Variants in NELL1 observed in about 807,000 individuals in gnomAD.
NELL1 encodes neural EGFL like 1.
NELL1 carries 76 observed loss-of-function variants against 107.4 expected under a neutral mutation model. The ratio of observed to expected loss-of-function variants is 0.71; its 90% CI spans 0.59 to 0.86. The LOEUF is 0.86. Ranked by LOEUF, NELL1 falls within the 40% of genes least tolerant of loss-of-function variation. The probability of loss-of-function intolerance (pLI) is 0.00; values close to 1 mark genes in which losing one functional copy is unlikely to be tolerated. For synonymous variants in NELL1, 353 were observed against 341.2 expected, an observed-to-expected ratio of 1.03 and a Z score of -0.38; for missense variants, 1,024 against 1,005.5, an observed-to-expected ratio of 1.02 and a Z score of -0.25.
chr11:20,693,852 G>A lies in NELL1; in HGVS notation c.184+15792G>A, dbSNP rs562911615. Among the ~76,000 whole-genome samples, 5 of 149,510 alleles carry A rather than the reference G, an allele frequency of 3.3e-5. No individual in the cohort carries two copies. The South Asian group carries it at 1.1e-3, about 32-fold the overall frequency. ...TGGCCTGCCTTGCTAGATTGGGGAA[G>A]TTCTCTTGGATAGTATCCTGCAGAG... On this transcript the variant is annotated intron_variant, in intron 2 of 19. Transcript: ENST00000357134.
At chr11:21,423,820 G>A (rs1852754286) in intron 15 of NELL1, among the ~76,000 whole-genome samples, 1 of 152,116 alleles carries the variant, frequency 6.6e-6, no homozygotes, top group African/African-American at 2.4e-5. Flanking sequence ...ATACCAGAAG[G>A]AAAACTGGAA....
chr11:20,708,162 C>G (rs2680987), intron 2 of NELL1, among the ~76,000 whole-genome samples: 1 of 152,168 alleles, frequency 6.6e-6, no homozygotes, highest in Non-Finnish European at 1.5e-5. Context: ...AGGATATAAT[C>G]TCCTAATGTG....
chr11:21,441,483 G>A lies in NELL1; in HGVS notation c.1645+70535G>A, dbSNP rs188157968. 1.5e-3 allele frequency among the ~76,000 whole-genome samples: 220 copies of A among 151,240 alleles called. 1 individual carries two copies. The highest frequency in any genetic ancestry group is 2.7e-4 in the Non-Finnish European group (18 of 67,800). ...TAGGGATCATGGCTTGTACTACTTT[G>A]TACAATATTTTCACAATATTCTGTG... is the stretch of plus-strand genomic sequence containing the variant. On this transcript the variant is annotated intron_variant, in intron 15 of 19. Transcript: ENST00000357134.
At chr11:20,928,226 C>T in intron 8 of NELL1, 151 bp from the exon 9 acceptor site, 1 of 752,346 alleles carries the variant, frequency 1.3e-6, no homozygotes, top group East Asian at 2.7e-5. Flanking sequence ...CCGGAGAAAA[C>T]ACTTCATCTG....
chr11:20,674,668 T>C (rs1854006282), intron 1 of NELL1: 2 of 736,822 alleles, frequency 2.7e-6, no homozygotes, highest in Non-Finnish European at 4.6e-6. Context: ...GGGAAGAGAC[T>C]GGACTGAAAC....
chr11:20,813,006 C>CAAAAAAAAAAAAAAAAA (rs869187456), intron 3 of NELL1, among the ~76,000 whole-genome samples: 3 of 61,238 alleles, frequency 4.9e-5, no homozygotes, highest in African/African-American at 2.1e-4. Flanking sequence ...GACTCCGTCT[C>CAAAAAAAAAAAAAAAAA]AAAAAAAAAA....
At chr11:21,571,723 C>G (rs1418904559) in intron 18 of NELL1, among the ~76,000 whole-genome samples, 1 of 151,720 alleles carries the variant, frequency 6.6e-6, no homozygotes, top group African/African-American at 2.4e-5. Flanking sequence ...ATTTCTTGAC[C>G]TGGTTCTTTC....
chr11:20,761,328 G>A (rs1041394547), intron 2 of NELL1, among the ~76,000 whole-genome samples: 6 of 152,168 alleles, frequency 3.9e-5, no homozygotes, highest in African/African-American at 1.2e-4. Context: ...AGCAGTCACA[G>A]TTCAAGGCTA....
chr11:20,674,239 G>C (rs1379528483), intron 1 of NELL1, among the ~76,000 whole-genome samples: 1 of 152,158 alleles, frequency 6.6e-6, no homozygotes, highest in Non-Finnish European at 1.5e-5. Flanking sequence ...GCATGGATAA[G>C]GGCTGGGAGG....
chr11:21,208,326 A>G (rs1257122615), intron 13 of NELL1, among the ~76,000 whole-genome samples: 1 of 151,894 alleles, frequency 6.6e-6, no homozygotes. Flanking sequence ...ACTCCCGTTT[A>G]TCTTCTCTTC....
At chr11:21,112,428 G>T (rs184450777) in intron 12 of NELL1, among the ~76,000 whole-genome samples, 2 of 152,024 alleles carry the variant, frequency 1.3e-5, no homozygotes, top group African/African-American at 2.4e-5. Flanking sequence ...AATGATTATT[G>T]TAATAGAAAT....
At chr11:21,569,302 G>A (rs1365692807) in intron 17 of NELL1, among the ~76,000 whole-genome samples, 1 of 151,890 alleles carries the variant, frequency 6.6e-6, no homozygotes, top group Non-Finnish European at 1.5e-5. Context: ...GACCATTGCT[G>A]AATAATTCTA....
At chr11:20,800,158 G>GA in intron 3 of NELL1, among the ~76,000 whole-genome samples, 1 of 152,182 alleles carries the variant, frequency 6.6e-6, no homozygotes, top group African/African-American at 2.4e-5. Context: ...GAATGGCACT[G>GA]TGATGAACAT....
rs182696434 is a variant in NELL1, at chr11:20,874,312, C to G, written c.507-11132C>G. On this transcript the variant is annotated intron_variant, in intron 4 of 19. Transcript: ENST00000357134. ...TGAACTCCTGACCTCAGGTGATCCACCCACCTCAGCCTCCCAAAGTGGTGG... is the reference window on the plus strand; with the variant it reads ...TGAACTCCTGACCTCAGGTGATCCAGCCACCTCAGCCTCCCAAAGTGGTGG... Among the ~76,000 whole-genome samples the G allele has an allele frequency of 4.3e-3, 659 of 152,338 alleles. 2 individuals carry two copies. Among genetic ancestry groups the G allele is most frequent in the Middle Eastern group, 0.014 (4 of 294 alleles).
intron 4 of NELL1, among the ~76,000 whole-genome samples, chr11:20,856,319 A>G (rs545721880): frequency 6.6e-6 from 1 of 152,308 alleles, no homozygotes; most frequent in South Asian, 2.1e-4. Context: ...TTCATTGGCA[A>G]TTAGAGTGGA....
intron 2 of NELL1, among the ~76,000 whole-genome samples, chr11:20,783,052 G>C (rs1314681985): frequency 6.6e-6 from 1 of 152,178 alleles, no homozygotes; most frequent in South Asian, 2.1e-4. Flanking sequence ...TTCCAGGCAC[G>C]GGTGTGGAGC....
intron 15 of NELL1, among the ~76,000 whole-genome samples, chr11:21,423,760 T>G (rs1030047433): frequency 7.9e-5 from 12 of 152,200 alleles, no homozygotes; most frequent in Non-Finnish European, 1.8e-4. Flanking sequence ...AAGAGATAAA[T>G]GCTATACAGT....
chr11:20,767,960 G>A (rs1856566287), intron 2 of NELL1, among the ~76,000 whole-genome samples: 1 of 152,180 alleles, frequency 6.6e-6, no homozygotes, highest in African/African-American at 2.4e-5. Context: ...ATACTGGAGA[G>A]AGAAAGAGAG....
chr11:20,808,768 G>A (rs185505620), intron 3 of NELL1, among the ~76,000 whole-genome samples: 292 of 152,292 alleles, frequency 1.9e-3, no homozygotes, highest in Middle Eastern at 6.8e-3. Flanking sequence ...AATTCTGCCC[G>A]TTGGCAGCGC....
Sources: gnomAD v4.1 joint callset for allele counts (sites outside exome capture counted in the v4.1 genomes callset) on GRCh38, gnomAD v4.1.1 for gene constraint, MANE v1.5 for transcripts, NCBI Gene and HGNC (gene_info 2026-07-23, HGNC 2026-07-21) for gene names.